ALX4: variants seen among roughly 807,000 people sequenced by gnomAD.
ALX4 encodes the protein homeobox protein aristaless-like 4.
A neutral mutation model predicts 40.6 loss-of-function variants in ALX4; 22 were observed. The observed-to-expected ratio is 0.54, with a 90% CI of 0.39 to 0.77. The LOEUF (loss-of-function observed/expected upper bound fraction) is 0.77, where lower values mean the gene tolerates loss of function less well. ALX4 is among the 30% of genes least tolerant of loss of function. ALX4 has a pLI of 0.00. For missense variants in ALX4, 556 were observed against 564.8 expected (o/e 0.98, Z 0.16); for synonymous variants, 266 against 240.5 (o/e 1.11, Z -0.98).
At chr11:44,297,110 G>C (rs1291887283) in intron 1 of ALX4, among the ~76,000 whole-genome samples, 1 of 151,722 alleles carries the variant, frequency 6.6e-6, no homozygotes, top group Non-Finnish European at 1.5e-5. Flanking sequence ...TGTGATGGCG[G>C]TTCCCGTTTA....
At chr11:44,284,157 T>A (rs1474793312) in intron 1 of ALX4, among the ~76,000 whole-genome samples, 1 of 150,888 alleles carries the variant, frequency 6.6e-6, no homozygotes, top group Non-Finnish European at 1.5e-5. Flanking sequence ...CAGAAAATAC[T>A]ACAAGTTTCC....
At chr11:44,278,632 G>A (rs1487934387) in intron 1 of ALX4, among the ~76,000 whole-genome samples, 1 of 152,224 alleles carries the variant, frequency 6.6e-6, no homozygotes, top group African/African-American at 2.4e-5. Flanking sequence ...TGAGCAGGCA[G>A]AGATAGAGGT....
intron 1 of ALX4, among the ~76,000 whole-genome samples, chr11:44,300,188 C>T (rs1416146984): frequency 6.6e-6 from 1 of 151,992 alleles, no homozygotes; most frequent in Non-Finnish European, 1.5e-5. Context: ...CCTGAGGCAT[C>T]TTGAGGATTC....
chr11:44,266,660 GC>G (rs1201935320), intron 3 of ALX4, among the ~76,000 whole-genome samples: 2 of 152,302 alleles, frequency 1.3e-5, no homozygotes. Context: ...CCAGAATGAG[GC>G]CTGAGCAGGT....
intron 1 of ALX4, among the ~76,000 whole-genome samples, chr11:44,306,376 T>C (rs1192227769): frequency 6.6e-6 from 1 of 152,142 alleles, no homozygotes; most frequent in Non-Finnish European, 1.5e-5. Flanking sequence ...CGCCCCGCAC[T>C]CCCTCGGCTT....
intron 1 of ALX4, among the ~76,000 whole-genome samples, chr11:44,291,646 T>A (rs1590699073): frequency 6.6e-6 from 1 of 152,126 alleles, no homozygotes. Context: ...GCTCAAGCAA[T>A]CCGCCCGCCT....
At chr11:44,270,401 C>T (rs1462505158) in intron 2 of ALX4, among the ~76,000 whole-genome samples, 2 of 152,106 alleles carry the variant, frequency 1.3e-5, no homozygotes, top group African/African-American at 4.8e-5. Context: ...CCTTCTTCTC[C>T]TGTTCCTTTG....
At position 44,293,266 on chromosome 11, in the gene ALX4, A is replaced by C. The variant is rs1030715619; in HGVS notation, c.466+16331T>G. 2.6e-5 allele frequency among the ~76,000 whole-genome samples: 4 copies of C among 152,230 alleles called. No homozygotes were observed. The South Asian group carries it at 8.3e-4, about 32-fold the overall frequency. Reference sequence around the variant, plus strand: ...CTCATCTGAACAAAATAAAAAATTCAAAAAAGTCTCTTCTTTAAAATGCAT... The same window carrying C: ...CTCATCTGAACAAAATAAAAAATTCCAAAAAGTCTCTTCTTTAAAATGCAT... On this transcript the variant is annotated intron_variant, in intron 1 of 3. Transcript: ENST00000652299.
chr11:44,293,015 C>T (rs1345220069), intron 1 of ALX4, among the ~76,000 whole-genome samples: 4 of 151,708 alleles, frequency 2.6e-5, no homozygotes, highest in African/African-American at 9.7e-5. Flanking sequence ...AGGAGAACTG[C>T]TTGAGCCCAG....
intron 1 of ALX4, among the ~76,000 whole-genome samples, chr11:44,276,256 G>A (rs1029915691): frequency 1.3e-4 from 20 of 152,208 alleles, no homozygotes; most frequent in Non-Finnish European, 2.5e-4. Flanking sequence ...CCCCAACCCT[G>A]CACACTGGTC....
rs574741375 is a variant in ALX4, at chr11:44,278,693, C to T, written c.467-3035G>A. ...GGCCAAGAGTTGGGAGCCCTGGCCT[C>T]GGCCCCCGCTCTTCTCAGGACTTCA... is the stretch of plus-strand genomic sequence containing the variant. On this transcript the variant is annotated intron_variant, in intron 1 of 3. Transcript: ENST00000652299. 3.9e-5 allele frequency among the ~76,000 whole-genome samples: 6 copies of T among 152,314 alleles called. No individual in the cohort carries two copies. In the East Asian group the frequency reaches 7.7e-4, roughly 20 times the overall value.
chr11:44,299,354 GTTTT>G (rs772070484), intron 1 of ALX4, among the ~76,000 whole-genome samples: 5 of 113,072 alleles, frequency 4.4e-5, no homozygotes, highest in Admixed American at 1.2e-4. Context: ...GGGGGCCATG[GTTTT>G]TTTTTTTTTT....
At chr11:44,272,634 C>CCAT (rs1956255155) in intron 2 of ALX4, among the ~76,000 whole-genome samples, 2 of 151,926 alleles carry the variant, frequency 1.3e-5, no homozygotes, top group East Asian at 3.9e-4. Flanking sequence ...GGTGAAACCT[C>CCAT]CATCTCTACC....
intron 1 of ALX4, among the ~76,000 whole-genome samples, chr11:44,287,698 G>C (rs1224121575): frequency 1.3e-5 from 2 of 152,162 alleles, no homozygotes; most frequent in African/African-American, 4.8e-5. Context: ...CCCTCCTGGG[G>C]TGGATGCTGT....
intron 1 of ALX4, among the ~76,000 whole-genome samples, chr11:44,301,594 G>A (rs560372220): frequency 2.0e-4 from 31 of 152,332 alleles, no homozygotes; most frequent in African/African-American, 7.2e-4. Flanking sequence ...AGAACTGCAA[G>A]CATCTGCCCT....
At chr11:44,271,443 C>CAGCACTACCGTTCT (rs1956246880) in intron 2 of ALX4, among the ~76,000 whole-genome samples, 1 of 152,170 alleles carries the variant, frequency 6.6e-6, no homozygotes, top group Non-Finnish European at 1.5e-5. Flanking sequence ...TGATCATTTC[C>CAGCACTACCGTTCT]AGCACTACCG....
rs1057303370 is a variant in ALX4 at position 44,264,667 on chromosome 11, G to A, written c.*187C>T. On this transcript the variant is annotated 3_prime_UTR_variant, in exon 4 of 4. Coordinates refer to ENST00000652299, the MANE Select transcript of ALX4 (RefSeq NM_021926.4). The stretch of plus-strand genomic sequence containing the variant: ...GCCTCAGTGCCAGGGAGGGGCCAGG[G>A]GCCTGCTGCCCCCTCCCTCCCAGCA... 4 of 661,562 alleles carry A rather than the reference G, an allele frequency of 6.0e-6. No individual in the cohort carries two copies. Among genetic ancestry groups the A allele is most frequent in the Non-Finnish European group, 7.6e-6 (3 of 393,024 alleles). 41.0% of individuals were successfully genotyped at this position (661,562 alleles called of 1,614,324 possible). A position where few individuals can be genotyped will look rare whatever the true frequency, so the allele number is the denominator to read the frequency against.
At chr11:44,287,626 C>G (rs2119842507) in intron 1 of ALX4, among the ~76,000 whole-genome samples, 1 of 149,480 alleles carries the variant, frequency 6.7e-6, no homozygotes, top group South Asian at 2.1e-4. Flanking sequence ...GAAAAGAAAA[C>G]AAAAAACTGG....
At chr11:44,293,004 CAGG>C (rs1289867127) in intron 1 of ALX4, among the ~76,000 whole-genome samples, 2 of 151,638 alleles carry the variant, frequency 1.3e-5, no homozygotes, top group Admixed American at 1.3e-4. Flanking sequence ...GAGGCTGAAG[CAGG>C]AGAACTGCTT....
Sources: allele counts gnomAD v4.1 joint callset (sites outside exome capture counted in the v4.1 genomes callset), GRCh38; gene constraint gnomAD v4.1.1; transcripts MANE v1.5; gene names NCBI Gene and HGNC (gene_info 2026-07-23, HGNC 2026-07-21).